PLSCR4: variants seen among roughly 807,000 people sequenced by gnomAD.
The protein encoded by PLSCR4 is phospholipid scramblase 4.
A neutral mutation model predicts 36.3 loss-of-function variants in PLSCR4; 25 were observed. The observed-to-expected ratio is 0.69, with a 90% CI of 0.50 to 0.96. The LOEUF (loss-of-function observed/expected upper bound fraction) is 0.96, where lower values mean the gene tolerates loss of function less well. Among genes scored for constraint, PLSCR4 ranks in the 40% least tolerant of loss-of-function variants. The pLI is 0.00. For missense variants in PLSCR4, 408 were observed against 414.7 expected, an observed-to-expected ratio of 0.98 and a Z score of 0.14; for synonymous variants, 122 against 132.9, an observed-to-expected ratio of 0.92 and a Z score of 0.56.
chr3:146,206,473 G>A, intron 4 of PLSCR4, 53 bp downstream of exon 4: 5 of 1,320,716 alleles, frequency 3.8e-6, no homozygotes, highest in Non-Finnish European at 5.4e-6. Context: ...TCTCTTTGTT[G>A]GATCCCTATG....
At chr3:146,241,238 A>T (rs983082994) in intron 1 of PLSCR4, among the ~76,000 whole-genome samples, 3 of 152,188 alleles carry the variant, frequency 2.0e-5, no homozygotes, top group African/African-American at 7.2e-5. Flanking sequence ...TTATTCTAAC[A>T]TTAGATTGTG....
At chr3:146,222,023 T>C in intron 2 of PLSCR4, 42 bp downstream of exon 2, 1 of 1,150,994 alleles carries the variant, frequency 8.7e-7, no homozygotes, top group Non-Finnish European at 1.2e-6. Flanking sequence ...AAAATTCACA[T>C]TTGAAAATAA....
At chr3:146,246,417 G>T (rs1205653224) in intron 1 of PLSCR4, among the ~76,000 whole-genome samples, 1 of 151,928 alleles carries the variant, frequency 6.6e-6, no homozygotes, top group African/African-American at 2.4e-5. Context: ...AAGTGTGAAG[G>T]ATCTTGGAGG....
rs373571675 is a variant in PLSCR4 at position 146,195,598 on chromosome 3, G to C, written c.787-316C>G. On this transcript the variant is annotated intron_variant, in intron 7 of 8. Coordinates refer to ENST00000354952, the MANE Select transcript of PLSCR4 (RefSeq NM_020353.3). The stretch of plus-strand genomic sequence containing the variant: ...CAACATAGTAAAGGGTGGGAATTGG[G>C]AGAGAGTCACTTCCAAACTAGGGAA... Among the ~76,000 whole-genome samples, 23 of 152,286 alleles carry C rather than the reference G, an allele frequency of 1.5e-4. No individual in the cohort carries two copies. The South Asian group carries it at 2.3e-3, about 15-fold the overall frequency.
chr3:146,249,680 C>T (rs1474512838), intron 1 of PLSCR4, among the ~76,000 whole-genome samples: 1 of 150,982 alleles, frequency 6.6e-6, no homozygotes. Context: ...ATATATTATA[C>T]ATAACGTTAA....
intron 3 of PLSCR4, among the ~76,000 whole-genome samples, chr3:146,216,481 C>T (rs2034895434): frequency 6.6e-6 from 1 of 152,158 alleles, no homozygotes; most frequent in Non-Finnish European, 1.5e-5. Context: ...GAGCTCTCAT[C>T]ATATTCCAGC....
chr3:146,206,460 TTC>T lies in PLSCR4; in HGVS notation c.354+64_354+65del, dbSNP rs1368229450. On this transcript the variant is annotated intron_variant, in intron 4 of 8. Transcript: ENST00000354952. ...CTTTATTCACTCTGGTCTGCTTTTT[TTC>T]TCTCTTTGTTGGATCCCTATGGTCA... 2.6e-5 allele frequency: 32 copies of T among 1,211,406 alleles called. No individual in the cohort carries two copies. In the African/African-American group the frequency reaches 4.6e-4, roughly 18 times the overall value. The allele number at this position is 1,211,406 out of a possible 1,614,324, so 75.0% of individuals were successfully genotyped here. A position where few individuals can be genotyped will look rare whatever the true frequency, so the allele number is the denominator to read the frequency against.
At chr3:146,223,958 A>ATATT (rs72179951) in intron 1 of PLSCR4, among the ~76,000 whole-genome samples, 26 of 145,314 alleles carry the variant, frequency 1.8e-4, no homozygotes, top group East Asian at 1.2e-3. Flanking sequence ...TAAATAATAA[A>ATATT]TATTTATTTA....
At chr3:146,213,833 T>A (rs1378089154) in intron 3 of PLSCR4, among the ~76,000 whole-genome samples, 2 of 152,214 alleles carry the variant, frequency 1.3e-5, no homozygotes, top group Non-Finnish European at 2.9e-5. Context: ...TTGTTCATGT[T>A]ATTCCCTTAA....
intron 1 of PLSCR4, among the ~76,000 whole-genome samples, chr3:146,236,565 T>A (rs573864310): frequency 1.3e-5 from 2 of 152,064 alleles, no homozygotes; most frequent in Non-Finnish European, 2.9e-5. Context: ...GTAAGTCTTA[T>A]GAGATTTGAT....
chr3:146,245,670 TG>T (rs2036309826), intron 1 of PLSCR4, among the ~76,000 whole-genome samples: 1 of 152,080 alleles, frequency 6.6e-6, no homozygotes, highest in African/African-American at 2.4e-5. Flanking sequence ...ATGATAGCAA[TG>T]TTTTTAAAAA....
chr3:146,213,542 C>T (rs2034735050), intron 3 of PLSCR4, among the ~76,000 whole-genome samples: 1 of 152,084 alleles, frequency 6.6e-6, no homozygotes. Flanking sequence ...AGGCTGGTCT[C>T]AAATTCCTGA....
At chr3:146,222,148 C>A in intron 1 of PLSCR4, 56 bp from the exon 2 acceptor site, 1 of 605,264 alleles carries the variant, frequency 1.7e-6, no homozygotes. Context: ...AATAGTATTG[C>A]TACTCAGTAA....
intron 1 of PLSCR4, among the ~76,000 whole-genome samples, chr3:146,227,301 G>A (rs978863558): frequency 6.6e-6 from 1 of 152,106 alleles, no homozygotes; most frequent in African/African-American, 2.4e-5. Context: ...AGGGGAATCT[G>A]GGCTGCCTGG....
Position 146,194,256 on chromosome 3 carries a change from T to G in PLSCR4, c.*155A>C. 1 of 619,584 alleles carries G rather than the reference T, an allele frequency of 1.6e-6. No homozygotes were observed. The highest frequency in any genetic ancestry group is 2.9e-6 in the Non-Finnish European group (1 of 345,232). The allele number at this position is 619,584 out of a possible 1,614,324, so 38.4% of individuals were successfully genotyped here. On this transcript the variant is annotated 3_prime_UTR_variant, in exon 9 of 9. Coordinates refer to ENST00000354952, the MANE Select transcript of PLSCR4 (RefSeq NM_020353.3). ...GAAACACACTTTTAGATTGTGTTCT[T>G]GCAAGCCCACTCTCAGCTGTCAAAG...
chr3:146,218,991 T>C (rs72991448), intron 3 of PLSCR4, among the ~76,000 whole-genome samples: 2,157 of 152,310 alleles, frequency 0.014, 53 homozygotes, highest in African/African-American at 0.05. Flanking sequence ...TGGGATAAAT[T>C]CATTAACACT....
intron 5 of PLSCR4, 108 bp downstream of exon 5, chr3:146,200,927 T>TC (rs2034016358): frequency 1.4e-6 from 1 of 694,456 alleles, no homozygotes; most frequent in African/African-American, 1.9e-5. Flanking sequence ...AGTTTTTTTT[T>TC]CTTTGAGCCA....
intron 3 of PLSCR4, among the ~76,000 whole-genome samples, chr3:146,208,439 TTAAAC>T (rs755072409): frequency 7.2e-5 from 11 of 152,106 alleles, no homozygotes; most frequent in Admixed American, 2.0e-4. Flanking sequence ...TGGGACTTAA[TTAAAC>T]TAAAGAGCTT....
chr3:146,247,635 ATT>A (rs1217398187), intron 1 of PLSCR4, among the ~76,000 whole-genome samples: 2 of 152,092 alleles, frequency 1.3e-5, no homozygotes, highest in East Asian at 3.8e-4. Flanking sequence ...ATGCAGTTTT[ATT>A]TTTGAGGCAG....
Sources: allele counts gnomAD v4.1 joint callset (sites outside exome capture counted in the v4.1 genomes callset), GRCh38; gene constraint gnomAD v4.1.1; transcripts MANE v1.5; gene names NCBI Gene and HGNC (gene_info 2026-07-23, HGNC 2026-07-21).